Variants in WDPCP observed in about 807,000 individuals in gnomAD.
WDPCP encodes WD repeat containing planar cell polarity effector.
In WDPCP, 71 loss-of-function variants were observed where a neutral mutation model predicts 93.1. The observed-to-expected ratio is 0.76, with a 90% CI of 0.63 to 0.93. WDPCP has a LOEUF of 0.93. Among genes scored for constraint, WDPCP ranks in the 40% least tolerant of loss-of-function variants. The pLI is 0.00. For synonymous variants in WDPCP, 315 were observed against 315.0 expected (o/e 1.00, Z 0.00); for missense variants, 844 against 887.4 (o/e 0.95, Z 0.62).
intron 13 of WDPCP, among the ~76,000 whole-genome samples, chr2:63,303,491 T>C (rs1685486566): frequency 1.3e-5 from 2 of 152,186 alleles, no homozygotes; most frequent in Admixed American, 1.3e-4. Context: ...CCACCCATTG[T>C]ACCTCTGTAG....
chr2:63,623,001 C>G (rs867516379), intron 3 of WDPCP, among the ~76,000 whole-genome samples: 3 of 152,200 alleles, frequency 2.0e-5, no homozygotes, highest in Non-Finnish European at 2.9e-5. Context: ...ATGAGTTGTC[C>G]GACCGCGCGC....
chr2:63,588,574 C>T (rs925758549), upstream of WDPCP: 12 of 546,826 alleles, frequency 2.2e-5, no homozygotes, highest in Non-Finnish European at 3.6e-5. Context: ...TTACCTCCCA[C>T]GTTTACCCTC....
At chr2:63,426,230 C>T (rs1447229653) in intron 9 of WDPCP, among the ~76,000 whole-genome samples, 1 of 152,154 alleles carries the variant, frequency 6.6e-6, no homozygotes, top group African/African-American at 2.4e-5. Context: ...GTCCCAGCTA[C>T]TCAGGAGTCT....
At chr2:63,719,294 C>T (rs926476162) in intron 2 of WDPCP, among the ~76,000 whole-genome samples, 1 of 152,100 alleles carries the variant, frequency 6.6e-6, no homozygotes, top group African/African-American at 2.4e-5. Flanking sequence ...GGATGGCAGC[C>T]AGAACCCTGG....
chr2:63,726,063 A>G (rs1055330346), intron 2 of WDPCP, among the ~76,000 whole-genome samples: 1 of 152,020 alleles, frequency 6.6e-6, no homozygotes, highest in Non-Finnish European at 1.5e-5. Flanking sequence ...CCACTTGTCA[A>G]TTTTTGCTTT....
intron 14 of WDPCP, among the ~76,000 whole-genome samples, chr2:63,252,882 G>A (rs2104728637): frequency 6.6e-6 from 1 of 152,052 alleles, no homozygotes; most frequent in South Asian, 2.1e-4. Context: ...AACTACCAAG[G>A]TCATTTTTCA....
At chr2:63,159,151 A>G (rs1344897231) in intron 15 of WDPCP, among the ~76,000 whole-genome samples, 1 of 150,620 alleles carries the variant, frequency 6.6e-6, no homozygotes, top group East Asian at 1.9e-4. Context: ...ATGAGACCCT[A>G]TCTCAAAAAA....
At chr2:63,337,179 A>G (rs6728844) in intron 12 of WDPCP, among the ~76,000 whole-genome samples, 121,501 of 151,794 alleles carry the variant, frequency 0.8, 49,485 homozygotes, top group East Asian at 0.96. Context: ...GGCGTGAGCC[A>G]CTGCGCACGG....
In WDPCP at chr2:63,615,294, G is replaced by A. The variant is rs140939159; in HGVS notation, n.488+35365C>T. The stretch of plus-strand genomic sequence containing the variant: ...GTGAGCACATTCCTTTCCTTTTTAC[G>A]ACATACTCATGGGGAGATGCCTGCA... On this transcript the variant is annotated intron_variant and non_coding_transcript_variant, in intron 3 of 4. Transcript: ENST00000467687. 3.9e-4 allele frequency among the ~76,000 whole-genome samples: 60 copies of A among 152,190 alleles called. No homozygotes were observed. In the East Asian group the frequency reaches 9.1e-3, roughly 23 times the overall value.
At chr2:63,774,933 T>C (rs1372610308) in intron 2 of WDPCP, among the ~76,000 whole-genome samples, 2 of 152,162 alleles carry the variant, frequency 1.3e-5, no homozygotes, top group African/African-American at 2.4e-5. Context: ...ATCAATCTCA[T>C]GCTTTAAGAC....
In WDPCP at chr2:63,121,828, G is replaced by T; in HGVS notation, c.*178C>A. ...CTTACGATCACTTTGCTGTTATGCTGCATGTTTTTGAAATAATAAAACTTT... is the reference window on the plus strand; with the variant it reads ...CTTACGATCACTTTGCTGTTATGCTTCATGTTTTTGAAATAATAAAACTTT... On this transcript the variant is annotated 3_prime_UTR_variant, in exon 18 of 18. Transcript: ENST00000272321. 1 of 1,386,458 alleles carries T rather than the reference G, an allele frequency of 7.2e-7. No individual in the cohort carries two copies. Among genetic ancestry groups the T allele is most frequent in the Non-Finnish European group, 9.4e-7 (1 of 1,060,922 alleles). The allele number at this position is 1,386,458 out of a possible 1,614,324, so 85.9% of individuals were successfully genotyped here. A position where few individuals can be genotyped will look rare whatever the true frequency, so the allele number is the denominator to read the frequency against.
At chr2:63,711,147 T>A (rs567633794) in intron 2 of WDPCP, among the ~76,000 whole-genome samples, 6 of 152,160 alleles carry the variant, frequency 3.9e-5, no homozygotes, top group African/African-American at 9.7e-5. Context: ...AGGAAAAAGT[T>A]TATCTCTCCT....
intron 14 of WDPCP, among the ~76,000 whole-genome samples, chr2:63,219,524 C>G (rs1464438759): frequency 6.6e-6 from 1 of 152,120 alleles, no homozygotes; most frequent in Non-Finnish European, 1.5e-5. Flanking sequence ...AAAGAGTAGT[C>G]TTGTATTTTC....
At chr2:63,240,911 T>C (rs1255476485) in intron 14 of WDPCP, among the ~76,000 whole-genome samples, 1 of 152,134 alleles carries the variant, frequency 6.6e-6, no homozygotes, top group Non-Finnish European at 1.5e-5. Context: ...TTCTGAAGAG[T>C]TGACAACTTG....
chr2:63,821,347 A>G (rs1671014689), intron 1 of WDPCP, among the ~76,000 whole-genome samples: 1 of 152,176 alleles, frequency 6.6e-6, no homozygotes. Flanking sequence ...GACAATCTAA[A>G]TGGAAATAAC....
chr2:63,219,771 C>A (rs556588552), intron 14 of WDPCP, among the ~76,000 whole-genome samples: 35 of 152,038 alleles, frequency 2.3e-4, no homozygotes, highest in African/African-American at 8.5e-4. Context: ...GAGGCTGAGG[C>A]GGGCAGATCA....
intron 2 of WDPCP, among the ~76,000 whole-genome samples, chr2:63,670,895 G>A (rs529163072): frequency 6.6e-6 from 1 of 152,216 alleles, no homozygotes; most frequent in African/African-American, 2.4e-5. Context: ...AAAAAAGTAG[G>A]AAAAAATTAG....
At chr2:63,198,783 A>G (rs1428707485) in intron 14 of WDPCP, among the ~76,000 whole-genome samples, 2 of 152,142 alleles carry the variant, frequency 1.3e-5, no homozygotes, top group Non-Finnish European at 2.9e-5. Flanking sequence ...GTACTGGGAG[A>G]GGGGCATTGC....
chr2:63,491,937 G>A (rs1002270035), intron 2 of WDPCP, among the ~76,000 whole-genome samples: 5 of 151,940 alleles, frequency 3.3e-5, no homozygotes, highest in Admixed American at 3.3e-4. Context: ...AATTTCAGTT[G>A]TCCCCTCTGT....
Sources: gnomAD v4.1 joint callset for allele counts (sites outside exome capture counted in the v4.1 genomes callset) on GRCh38, gnomAD v4.1.1 for gene constraint, MANE v1.5 for transcripts, NCBI Gene and HGNC (gene_info 2026-07-23, HGNC 2026-07-21) for gene names.